The following RORA variants were observed in gnomAD, a reference collection of about 807,000 sequenced individuals.
RORA encodes RAR related orphan receptor A, also known as nuclear receptor ROR-alpha.
Under a neutral mutation model 69.5 loss-of-function variants are expected in RORA, and 7 were observed. The observed-to-expected ratio is 0.10, with a 90% CI of 0.06 to 0.19. The LOEUF (loss-of-function observed/expected upper bound fraction) is 0.19, where lower values mean the gene tolerates loss of function less well. Ranked by LOEUF, RORA falls within the 10% of genes least tolerant of loss-of-function variation. The pLI is 1.00. For missense variants in RORA, 457 were observed against 663.0 expected, an observed-to-expected ratio of 0.69 and a Z score of 3.41; for synonymous variants, 261 against 240.8, an observed-to-expected ratio of 1.08 and a Z score of -0.78.
chr15:60,590,619 T>C (rs763165378), intron 2 of RORA, among the ~76,000 whole-genome samples: 82 of 151,880 alleles, frequency 5.4e-4, no homozygotes, highest in Non-Finnish European at 1.1e-3. Context: ...AGACAAAAAA[T>C]GCTTTAACTG....
chr15:60,568,070 C>G (rs1175629284), intron 2 of RORA, among the ~76,000 whole-genome samples: 1 of 152,182 alleles, frequency 6.6e-6, no homozygotes, highest in Admixed American at 6.5e-5. Context: ...AAAAATCTCT[C>G]TAGACACTGA....
chr15:60,543,170 CTTTTTTTTTTTTTTTTTT>C (rs200401959), intron 2 of RORA, among the ~76,000 whole-genome samples: 16 of 125,426 alleles, frequency 1.3e-4, no homozygotes, highest in Middle Eastern at 4.2e-3. Flanking sequence ...AAAGTGAAAA[CTTTTTTTTTTTTTTTTTT>C]TTTTTTTTTT....
At chr15:61,123,918 T>C (rs1286825912) in intron 1 of RORA, among the ~76,000 whole-genome samples, 1 of 152,224 alleles carries the variant, frequency 6.6e-6, no homozygotes, top group Non-Finnish European at 1.5e-5. Context: ...AGGATGCTGG[T>C]GAGAACACCG....
intron 1 of RORA, among the ~76,000 whole-genome samples, chr15:61,142,837 T>C (rs1334751875): frequency 1.3e-5 from 2 of 152,182 alleles, no homozygotes; most frequent in East Asian, 1.9e-4. Context: ...CTTAATAAAA[T>C]AGAAATCCAT....
intron 1 of RORA, among the ~76,000 whole-genome samples, chr15:61,211,728 A>G (rs1431361142): frequency 3.5e-4 from 54 of 152,200 alleles, no homozygotes; most frequent in Non-Finnish European, 1.0e-4. Flanking sequence ...CCGCCACACT[A>G]CTTGAGTTGA....
intron 2 of RORA, among the ~76,000 whole-genome samples, chr15:60,641,862 T>C (rs2069950345): frequency 6.6e-6 from 1 of 152,160 alleles, no homozygotes; most frequent in Non-Finnish European, 1.5e-5. Context: ...GGGTATCTGC[T>C]TTAATAAAAA....
At chr15:60,610,770 C>T (rs760999830) in intron 2 of RORA, among the ~76,000 whole-genome samples, 35 of 152,108 alleles carry the variant, frequency 2.3e-4, no homozygotes, top group Non-Finnish European at 4.1e-4. Flanking sequence ...CCAAAAGGAT[C>T]AGAGAGGCTC....
chr15:60,926,241 A>G (rs1472117953), intron 1 of RORA, among the ~76,000 whole-genome samples: 2 of 152,222 alleles, frequency 1.3e-5, no homozygotes. Context: ...CAATCCAATG[A>G]CATTTGGAAC....
intron 1 of RORA, among the ~76,000 whole-genome samples, chr15:61,165,408 A>C (rs975596312): frequency 2.6e-5 from 4 of 152,174 alleles, no homozygotes; most frequent in African/African-American, 9.7e-5. Flanking sequence ...AGAGCTGCTA[A>C]GCCTCACCAA....
Position 61,061,048 on chromosome 15 carries a change from T to A in RORA, c.166+168005A>T, listed in dbSNP as rs1469566630. Among the ~76,000 whole-genome samples the A allele has an allele frequency of 6.6e-6, 1 of 152,172 alleles. No individual in the cohort carries two copies. Among genetic ancestry groups the A allele is most frequent in the Non-Finnish European group, 1.5e-5 (1 of 68,034 alleles). On this transcript the variant is annotated intron_variant, in intron 1 of 10. Coordinates refer to ENST00000335670, the MANE Select transcript of RORA (RefSeq NM_134261.3). The surrounding 1 kb of genome is among the most constrained non-coding windows in gnomAD (Gnocchi z 4.4). ...GAGCTGCTGTTCTTCCTCCCTGGAA[T>A]TTGGCATTAAAGGGCATTGCAAGGG...
chr15:60,530,963 T>G (rs2066509236), intron 3 of RORA: 1 of 152,190 alleles, frequency 6.6e-6, no homozygotes, highest in African/African-American at 2.4e-5. Flanking sequence ...AAATTGAGAT[T>G]TGAATAACAG....
chr15:60,968,106 C>A (rs1416021581), intron 1 of RORA, among the ~76,000 whole-genome samples: 1 of 152,296 alleles, frequency 6.6e-6, no homozygotes, highest in South Asian at 2.1e-4. Flanking sequence ...TTGGTGCTTA[C>A]GCTATTCCAG....
At chr15:60,577,917 T>C (rs1415637508) in intron 2 of RORA, among the ~76,000 whole-genome samples, 1 of 152,214 alleles carries the variant, frequency 6.6e-6, no homozygotes, top group Non-Finnish European at 1.5e-5. Flanking sequence ...TCATAGCTGC[T>C]TCTGCATTCA....
chr15:60,971,392 G>A (rs770608984), intron 1 of RORA, among the ~76,000 whole-genome samples: 35 of 152,114 alleles, frequency 2.3e-4, no homozygotes, highest in Non-Finnish European at 4.0e-4. Flanking sequence ...CACAAAGCAG[G>A]TGCACACTCC....
chr15:60,897,826 G>A (rs1423615463), intron 1 of RORA, among the ~76,000 whole-genome samples: 1 of 152,224 alleles, frequency 6.6e-6, no homozygotes, highest in East Asian at 1.9e-4. Flanking sequence ...TCTATTTTGA[G>A]CTTCCTGTTA....
At chr15:60,952,260 TCAA>T (rs1893131280) in intron 1 of RORA, among the ~76,000 whole-genome samples, 1 of 152,092 alleles carries the variant, frequency 6.6e-6, no homozygotes, top group African/African-American at 2.4e-5. Flanking sequence ...CTAAAAACTC[TCAA>T]TAAATTAGGT....
intron 1 of RORA, among the ~76,000 whole-genome samples, chr15:61,010,818 G>A (rs965956214): frequency 2.6e-5 from 4 of 152,016 alleles, no homozygotes; most frequent in African/African-American, 9.7e-5. Context: ...AGGACTGTTG[G>A]CTGGGAGTAC....
At chr15:60,990,568 T>C (rs766175197) in intron 1 of RORA, among the ~76,000 whole-genome samples, 3 of 152,224 alleles carry the variant, frequency 2.0e-5, no homozygotes, top group South Asian at 2.1e-4. Context: ...TCTTCAGGAA[T>C]GTAAACTGAT....
rs1032434350 is a variant in RORA, at chr15:60,731,695, A to G, written c.167-53009T>C. ...CTCCCACTCCTTGTTTACAGCAGACATCACTAATCTATTGTGGCATTCTTG... is the reference window on the plus strand; with the variant it reads ...CTCCCACTCCTTGTTTACAGCAGACGTCACTAATCTATTGTGGCATTCTTG... On this transcript the variant is annotated intron_variant, in intron 1 of 10. Coordinates refer to ENST00000335670, the MANE Select transcript of RORA (RefSeq NM_134261.3). Among the ~76,000 whole-genome samples the G allele has an allele frequency of 7.9e-5, 12 of 152,360 alleles. No individual in the cohort carries two copies. In the East Asian group the frequency reaches 1.9e-3, roughly 24 times the overall value.
Sources: allele counts gnomAD v4.1 joint callset (sites outside exome capture counted in the v4.1 genomes callset), GRCh38; gene constraint gnomAD v4.1.1; non-coding constraint Gnocchi (gnomAD v3.1); transcripts MANE v1.5; gene names NCBI Gene and HGNC (gene_info 2026-07-23, HGNC 2026-07-21).